Variants in TCF4 observed in about 807,000 individuals in gnomAD.
TCF4 encodes transcription factor 4.
A neutral mutation model predicts 82.1 loss-of-function variants in TCF4; 3 were observed. That is an observed-to-expected ratio of 0.04 (90% CI 0.02 to 0.09). The LOEUF is 0.09. Ranked by LOEUF, TCF4 falls within the 10% of genes least tolerant of loss-of-function variation. TCF4 has a pLI of 1.00. For synonymous variants in TCF4, 276 were observed against 309.6 expected, an observed-to-expected ratio of 0.89 and a Z score of 1.14; for missense variants, 518 against 852.7, an observed-to-expected ratio of 0.61 and a Z score of 4.89.
At chr18:55,388,370 G>A (rs924742504) in intron 6 of TCF4, among the ~76,000 whole-genome samples, 9 of 152,206 alleles carry the variant, frequency 5.9e-5, no homozygotes, top group Non-Finnish European at 1.2e-4. Context: ...CAACCAGAGA[G>A]TAGAGGTACC....
chr18:55,359,381 G>A (rs1004595059), intron 6 of TCF4, among the ~76,000 whole-genome samples: 5 of 151,962 alleles, frequency 3.3e-5, no homozygotes, highest in Admixed American at 6.6e-5. Context: ...AAATTCAACT[G>A]TTGTAACATT....
intron 6 of TCF4, chr18:55,351,318 T>C (rs2082264564): frequency 3.3e-6 from 1 of 302,860 alleles, no homozygotes; most frequent in East Asian, 9.6e-5. Flanking sequence ...ATGTTTCCTT[T>C]CTCTAGACTG....
chr18:55,493,704 C>T (rs1322175346), intron 3 of TCF4, among the ~76,000 whole-genome samples: 1 of 152,024 alleles, frequency 6.6e-6, no homozygotes, highest in East Asian at 1.9e-4. Context: ...TAAATTAATA[C>T]AAAATTACAC....
chr18:55,416,387 T>C (rs1338345752), intron 5 of TCF4, among the ~76,000 whole-genome samples: 1 of 152,198 alleles, frequency 6.6e-6, no homozygotes, highest in Non-Finnish European at 1.5e-5. Context: ...GGTCTGCCCC[T>C]AAGTTTCAAG....
At chr18:55,351,142 A>G in intron 6 of TCF4, 139 bp from the exon 7 acceptor site, 2 of 1,081,092 alleles carry the variant, frequency 1.8e-6, no homozygotes. Context: ...ACAAAACAAA[A>G]ACCCAAAAGA....
chr18:55,512,012 T>C (rs759045304), intron 3 of TCF4, among the ~76,000 whole-genome samples: 4 of 152,140 alleles, frequency 2.6e-5, no homozygotes, highest in African/African-American at 9.7e-5. Flanking sequence ...ATCATGAACA[T>C]GAAAAACGTT....
chr18:55,239,560 A>T (rs923690360), intron 15 of TCF4, among the ~76,000 whole-genome samples: 1 of 152,212 alleles, frequency 6.6e-6, no homozygotes, highest in African/African-American at 2.4e-5. Flanking sequence ...TAACATACAT[A>T]TATATACGTA....
At chr18:55,230,299 A>G (rs1187990421) in intron 17 of TCF4, 1 of 152,304 alleles carries the variant, frequency 6.6e-6, no homozygotes, top group Non-Finnish European at 1.5e-5. Context: ...GTGACAAATT[A>G]GAAACTTTTG....
Position 55,586,162 on chromosome 18 carries a change from C to G in TCF4, c.73-810G>C, listed in dbSNP as rs878916917. Reference sequence around the variant, plus strand: ...GGAGGAGGAGGAGGAGGAGCAGCAGCAGCAGCAGCAGCAGCAGCAGCAGCA... The same window carrying G: ...GGAGGAGGAGGAGGAGGAGCAGCAGGAGCAGCAGCAGCAGCAGCAGCAGCA... On this transcript the variant is annotated intron_variant, in intron 2 of 19. Coordinates refer to ENST00000354452, the MANE Select transcript of TCF4 (RefSeq NM_001083962.2). 10 of 264,172 alleles carry G rather than the reference C, an allele frequency of 3.8e-5. 1 individual carries two copies. In the African/African-American group the frequency reaches 8.3e-4, roughly 22 times the overall value. The allele number at this position is 264,172 out of a possible 1,614,324, so 16.4% of individuals were successfully genotyped here. A position where few individuals can be genotyped will look rare whatever the true frequency, so the allele number is the denominator to read the frequency against.
intron 3 of TCF4, among the ~76,000 whole-genome samples, chr18:55,513,925 T>C (rs181442538): frequency 9.2e-5 from 14 of 152,330 alleles, no homozygotes; most frequent in East Asian, 1.9e-4. Context: ...TTAAGGCTAA[T>C]TGAGTTATCA....
intron 8 of TCF4, among the ~76,000 whole-genome samples, chr18:55,338,089 GCATT>G (rs1406673155): frequency 1.3e-5 from 2 of 152,180 alleles, no homozygotes; most frequent in Non-Finnish European, 2.9e-5. Context: ...GCTGTGACTT[GCATT>G]CACAGTCTGA....
chr18:55,257,962 A>T (rs535094016), intron 13 of TCF4, among the ~76,000 whole-genome samples: 1 of 152,202 alleles, frequency 6.6e-6, no homozygotes, highest in Admixed American at 6.5e-5. Context: ...TGATTCATTA[A>T]ACTTGAAGGT....
rs145570048 is a variant in TCF4, at chr18:55,527,818, C to T, written c.145+57462G>A. Reference sequence around the variant, plus strand: ...AGATAAAATTAAAACTGGTAAACAACAAGAGGAAGTTATGAAAAGTGGTCA... The same window carrying T: ...AGATAAAATTAAAACTGGTAAACAATAAGAGGAAGTTATGAAAAGTGGTCA... On this transcript the variant is annotated intron_variant, in intron 3 of 19. Coordinates refer to ENST00000354452, the MANE Select transcript of TCF4 (RefSeq NM_001083962.2). Among the ~76,000 whole-genome samples the T allele has an allele frequency of 7.2e-5, 11 of 152,086 alleles. No homozygotes were observed. The East Asian group carries it at 2.1e-3, about 29-fold the overall frequency.
chr18:55,244,625 C>A (rs187588850), intron 15 of TCF4, among the ~76,000 whole-genome samples: 8 of 152,338 alleles, frequency 5.3e-5, no homozygotes, highest in Non-Finnish European at 1.0e-4. Context: ...CAGAGCCAGT[C>A]GGCCTCTGAA....
intron 6 of TCF4, among the ~76,000 whole-genome samples, chr18:55,392,731 A>G (rs1482576981): frequency 6.6e-6 from 1 of 152,156 alleles, no homozygotes; most frequent in African/African-American, 2.4e-5. Context: ...ATAGATAAGG[A>G]ACCTGCTTAC....
chr18:55,392,024 C>T (rs1226969372), intron 6 of TCF4, among the ~76,000 whole-genome samples: 5 of 108,970 alleles, frequency 4.6e-5, no homozygotes, highest in East Asian at 6.5e-4. Flanking sequence ...AGTGCAGTGG[C>T]GTGATCTGGG....
At chr18:55,286,661 C>T (rs1196665309) in intron 8 of TCF4, among the ~76,000 whole-genome samples, 1 of 152,182 alleles carries the variant, frequency 6.6e-6, no homozygotes, top group African/African-American at 2.4e-5. Context: ...AGGCACAAGA[C>T]AGTGCAGGTG....
intron 8 of TCF4, chr18:55,302,315 G>A (rs1343078239): frequency 9.1e-7 from 1 of 1,104,816 alleles, no homozygotes; most frequent in Non-Finnish European, 1.3e-6. Flanking sequence ...GTAGTGCAAA[G>A]CAAATGGGTA....
rs2145499073 is a variant in TCF4, at chr18:55,254,553, C to T, written c.1294G>A (p.Gly432Ser). 6.2e-7 allele frequency: 1 copy of T among 1,613,780 alleles called. No homozygotes were observed. Among genetic ancestry groups the T allele is most frequent in the Non-Finnish European group, 8.5e-7 (1 of 1,179,854 alleles). Reference protein sequence around the residue: ...IGPSHNGAMGGLGSGYGTGLL... With the variant: ...IGPSHNGAMGSLGSGYGTGLL... ...CCGGTTCCATACCCTGAGCCCAGAC[C>T]ACCCATGGCTCCATTATGAGAAGGT... is the stretch of plus-strand genomic sequence containing the variant. Residue 432 changes from glycine to serine, a missense_variant, in exon 15 of 20, where the codon GGT becomes AGT. Transcript: ENST00000354452.
Sources: allele counts gnomAD v4.1 joint callset (sites outside exome capture counted in the v4.1 genomes callset), GRCh38; gene constraint gnomAD v4.1.1; transcripts MANE v1.5; gene names NCBI Gene and HGNC (gene_info 2026-07-23, HGNC 2026-07-21).